Variants in FRK observed in about 807,000 individuals in gnomAD.
FRK encodes fyn related Src family tyrosine kinase.
FRK carries 51 observed loss-of-function variants against 56.4 expected under a neutral mutation model. The ratio of observed to expected loss-of-function variants is 0.90; its 90% CI spans 0.72 to 1.14. The LOEUF is 1.14. Ranked by LOEUF, FRK falls within the 50% of genes most tolerant of loss-of-function variation. FRK has a pLI of 0.00. For synonymous variants in FRK, 245 were observed against 217.9 expected, an observed-to-expected ratio of 1.12 and a Z score of -1.10; for missense variants, 570 against 601.4, an observed-to-expected ratio of 0.95 and a Z score of 0.55.
intron 1 of FRK, among the ~76,000 whole-genome samples, chr6:116,015,084 T>G (rs1175939697): frequency 1.3e-5 from 2 of 152,198 alleles, no homozygotes; most frequent in African/African-American, 4.8e-5. Context: ...TGAAAATCAC[T>G]TATTCATTTT....
chr6:116,001,066 C>T (rs867683286), intron 2 of FRK, among the ~76,000 whole-genome samples: 9 of 151,970 alleles, frequency 5.9e-5, no homozygotes, highest in Non-Finnish European at 7.4e-5. Flanking sequence ...GGTGAAACCC[C>T]GTCCCTACTA....
intron 1 of FRK, among the ~76,000 whole-genome samples, chr6:116,024,273 T>C (rs1054725363): frequency 8.5e-5 from 13 of 152,052 alleles, no homozygotes; most frequent in Admixed American, 3.9e-4. Context: ...TTTTTAATTA[T>C]TATTATTATA....
At chr6:116,021,969 C>T (rs1332811326) in intron 1 of FRK, among the ~76,000 whole-genome samples, 4 of 151,586 alleles carry the variant, frequency 2.6e-5, no homozygotes. Flanking sequence ...AATAATTTAT[C>T]AATATCAGCA....
At chr6:116,084,900 A>T in the FRK span, among the ~76,000 whole-genome samples, 3 of 152,232 alleles carry the variant, frequency 2.0e-5, no homozygotes, top group Admixed American at 2.0e-4. Context: ...AAGAAGTGAT[A>T]AGATAATGGC....
the FRK span, among the ~76,000 whole-genome samples, chr6:116,083,219 G>A: frequency 6.6e-6 from 1 of 152,212 alleles, no homozygotes; most frequent in Admixed American, 6.5e-5. Context: ...TGACTCTACA[G>A]TTTTTGTGGA....
intron 1 of FRK, among the ~76,000 whole-genome samples, chr6:116,049,947 T>C (rs1777124342): frequency 6.6e-6 from 1 of 152,212 alleles, no homozygotes; most frequent in African/African-American, 2.4e-5. Context: ...AAATCAGGAC[T>C]GATCTCTTCT....
In FRK at chr6:115,933,132, A is replaced by G. The variant is rs1771986285; in HGVS notation, c.*9282T>C. The G allele has an allele frequency of 6.6e-6, 1 of 152,238 alleles. No individual in the cohort carries two copies. Among genetic ancestry groups the G allele is most frequent in the African/African-American group, 2.4e-5 (1 of 41,454 alleles). The allele number at this position is 152,238 out of a possible 1,614,324, so 9.4% of individuals were successfully genotyped here. ...TTACCCTCTTTTTAAAAAAAAAGAAAAAGAAAAACTTAATGGAACATTGAA... is the reference window on the plus strand; with the variant it reads ...TTACCCTCTTTTTAAAAAAAAAGAAGAAGAAAAACTTAATGGAACATTGAA... On this transcript the variant is annotated 3_prime_UTR_variant, in exon 8 of 8. Transcript: ENST00000606080.
the FRK span, among the ~76,000 whole-genome samples, chr6:116,090,716 T>C: frequency 6.6e-6 from 1 of 152,166 alleles, no homozygotes; most frequent in Admixed American, 6.5e-5. Context: ...CAATAGTATG[T>C]TAGCCCTTCT....
chr6:116,025,707 C>G (rs1389343028), intron 1 of FRK, among the ~76,000 whole-genome samples: 1 of 152,152 alleles, frequency 6.6e-6, no homozygotes, highest in East Asian at 1.9e-4. Context: ...CTACTTCTTA[C>G]CAATGTCCTT....
At chr6:115,984,033 T>C (rs1470722464) in intron 2 of FRK, among the ~76,000 whole-genome samples, 1 of 152,138 alleles carries the variant, frequency 6.6e-6, no homozygotes, top group African/African-American at 2.4e-5. Context: ...AGAATATCAT[T>C]CTATTTACAT....
upstream of FRK, among the ~76,000 whole-genome samples, chr6:116,062,285 G>T (rs1777653679): frequency 6.6e-6 from 1 of 151,928 alleles, no homozygotes; most frequent in Non-Finnish European, 1.5e-5. Context: ...ACCTAAAATA[G>T]ACTGTATATG....
At chr6:116,023,084 G>A (rs1775939351) in intron 1 of FRK, among the ~76,000 whole-genome samples, 2 of 152,146 alleles carry the variant, frequency 1.3e-5, no homozygotes. Context: ...TCAAGGAAAT[G>A]CAAATTAAAA....
chr6:116,087,511 T>C, the FRK span, among the ~76,000 whole-genome samples: 1 of 152,242 alleles, frequency 6.6e-6, no homozygotes, highest in South Asian at 2.1e-4. Flanking sequence ...CACCATTTTC[T>C]ATGTGAGTCA....
At chr6:116,080,165 TTTTG>T in the FRK span, among the ~76,000 whole-genome samples, 1,422 of 152,012 alleles carry the variant, frequency 9.4e-3, 60 homozygotes, top group Admixed American at 0.083. Flanking sequence ...GAAAAAGCCT[TTTTG>T]TTTGTTTGTT....
Position 116,031,592 on chromosome 6 carries a change from A to G in FRK, c.345-27594T>C, listed in dbSNP as rs11969039. On this transcript the variant is annotated intron_variant, in intron 1 of 7. Transcript: ENST00000606080. ...ATGTTCCAAACTCCACATCACCCCA[A>G]TTTGGAGTAAGAAATCAACTCAATG... Among the ~76,000 whole-genome samples, 650 of 152,248 alleles carry G rather than the reference A, an allele frequency of 4.3e-3. 7 individuals are homozygous for G. The highest frequency in any genetic ancestry group is 0.015 in the African/African-American group (631 of 41,562).
intron 1 of FRK, among the ~76,000 whole-genome samples, chr6:116,043,494 A>C (rs2114795174): frequency 6.6e-6 from 1 of 152,354 alleles, no homozygotes; most frequent in East Asian, 1.9e-4. Context: ...ACTACTGAGT[A>C]AATAATGAAA....
chr6:116,079,444 T>G, the FRK span, among the ~76,000 whole-genome samples: 11 of 152,056 alleles, frequency 7.2e-5, no homozygotes. Context: ...GGGCTCTTTA[T>G]CAGTTATGCA....
rs73772208 is a variant in FRK, at chr6:116,039,910, C to A, written c.344+20058G>T. On this transcript the variant is annotated intron_variant, in intron 1 of 7. Coordinates refer to ENST00000606080, the MANE Select transcript of FRK (RefSeq NM_002031.3). ...CGCCTGTGTGTGCTGTGTATGTGAA[C>A]CACCCACGTGTGAGGGAATAAACAC... 4.3e-3 allele frequency among the ~76,000 whole-genome samples: 638 copies of A among 147,976 alleles called. 7 individuals carry two copies. Among genetic ancestry groups the A allele is most frequent in the African/African-American group, 0.016 (619 of 39,806 alleles).
chr6:115,949,097 G>T (rs996020884), intron 5 of FRK, among the ~76,000 whole-genome samples: 2 of 152,152 alleles, frequency 1.3e-5, no homozygotes, highest in Non-Finnish European at 2.9e-5. Flanking sequence ...TCTATTATTG[G>T]TGTATAGGAA....
Sources: gnomAD v4.1 joint callset for allele counts (sites outside exome capture counted in the v4.1 genomes callset) on GRCh38, gnomAD v4.1.1 for gene constraint, MANE v1.5 for transcripts, NCBI Gene and HGNC (gene_info 2026-07-23, HGNC 2026-07-21) for gene names.